CDHR1: variants seen among roughly 807,000 people sequenced by gnomAD.
CDHR1 encodes the protein cadherin related family member 1.
In CDHR1, 61 loss-of-function variants were observed where a neutral mutation model predicts 72.1. The ratio of observed to expected loss-of-function variants is 0.85; its 90% confidence interval spans 0.69 to 1.05. The LOEUF (loss-of-function observed/expected upper bound fraction) is 1.05. CDHR1 is among the 50% of genes least tolerant of loss of function. The probability of loss-of-function intolerance (pLI) is 0.00; values close to 1 mark genes in which losing one functional copy is unlikely to be tolerated. For synonymous variants in CDHR1, 470 were observed against 448.1 expected (o/e 1.05, Z -0.62); for missense variants, 1,186 against 1,115.7 (o/e 1.06, Z -0.90).
At chr10:84,211,400 A>T (rs1330650841) in intron 13 of CDHR1, among the ~76,000 whole-genome samples, 1 of 152,218 alleles carries the variant, frequency 6.6e-6, no homozygotes, top group Non-Finnish European at 1.5e-5. Context: ...CATGGGACCC[A>T]TCCCCTCTTC....
Position 84,214,780 on chromosome 10 carries a change from GCAA to G in CDHR1, c.*163_*165del, listed in dbSNP as rs1842401100. 5 of 1,553,732 alleles carry G rather than the reference GCAA, an allele frequency of 3.2e-6. No homozygotes were observed. Among genetic ancestry groups the G allele is most frequent in the Admixed American group, 1.9e-5 (1 of 53,282 alleles). The stretch of plus-strand genomic sequence containing the variant: ...CTCATCTCTACCGCCACCTTCTGGC[GCAA>G]CAAGAAGTTGCGCTCTGACAGGGCT... On this transcript the variant is annotated 3_prime_UTR_variant, in exon 17 of 17. Coordinates refer to ENST00000623527, the MANE Select transcript of CDHR1 (RefSeq NM_033100.4).
chr10:84,199,380 C>T (rs1400344855), intron 5 of CDHR1, among the ~76,000 whole-genome samples: 1 of 152,236 alleles, frequency 6.6e-6, no homozygotes, highest in Non-Finnish European at 1.5e-5. Context: ...CTGTCTCCAA[C>T]TTGAGACATT....
chr10:84,217,279 A>T lies in CDHR1; in HGVS notation c.*2658A>T, dbSNP rs748442031. 4.1e-6 allele frequency: 4 copies of T among 985,412 alleles called. No individual in the cohort carries two copies. The African/African-American group carries it at 7.0e-5, about 17-fold the overall frequency. 61.0% of individuals were successfully genotyped at this position (985,412 alleles called of 1,614,324 possible). ...GCCTCCAGGGAAAGAGCTGGGAGGC[A>T]GGAATGGCACACTGGGCAGGCTTGC... On this transcript the variant is annotated 3_prime_UTR_variant, in exon 17 of 17. Transcript: ENST00000623527.
downstream of CDHR1, chr10:84,219,315 T>TC: frequency 6.5e-7 from 1 of 1,543,778 alleles, no homozygotes. Flanking sequence ...TAGACCATTT[T>TC]CCCTCTCCCT....
intron 2 of CDHR1, 26 bp downstream of exon 2, chr10:84,195,615 G>T (rs369474184): frequency 2.5e-6 from 4 of 1,587,138 alleles, no homozygotes; most frequent in Non-Finnish European, 3.5e-6. Flanking sequence ...ACCTGCTCCC[G>T]ATAGGTCTCC....
intron 4 of CDHR1, 63 bp downstream of exon 4, chr10:84,197,899 C>A: frequency 6.8e-7 from 1 of 1,477,992 alleles, no homozygotes; most frequent in Non-Finnish European, 9.5e-7. Flanking sequence ...AAGGGTGAGG[C>A]TGGCACGATT....
At chr10:84,202,583 A>G (rs914366513) in intron 7 of CDHR1, among the ~76,000 whole-genome samples, 6 of 152,086 alleles carry the variant, frequency 3.9e-5, no homozygotes, top group African/African-American at 1.4e-4. Context: ...GCACATCTCC[A>G]TTATGATGCT....
chr10:84,207,850 G>T (rs1589303103), intron 10 of CDHR1, among the ~76,000 whole-genome samples: 1 of 152,172 alleles, frequency 6.6e-6, no homozygotes, highest in East Asian at 1.9e-4. Flanking sequence ...GCAAGACTCA[G>T]TTCTCTGTGA....
At position 84,210,985 on chromosome 10, in the gene CDHR1, T is replaced by A. The variant is rs1216591535; in HGVS notation, c.1321-16T>A. The A allele has an allele frequency of 1.9e-6, 3 of 1,614,010 alleles. No homozygotes were observed. The East Asian group carries it at 6.7e-5, about 36-fold the overall frequency. On this transcript the variant is annotated splice_polypyrimidine_tract_variant and intron_variant, in intron 12 of 16. Coordinates refer to ENST00000623527, the MANE Select transcript of CDHR1 (RefSeq NM_033100.4). ...AGTGCCTACCCAGACAAGTCCCCAT[T>A]TTCCCCCCTTCCCAGCTCCTGGCTG...
At chr10:84,212,635 G>A (rs773885614) in intron 15 of CDHR1, among the ~76,000 whole-genome samples, 9 of 152,226 alleles carry the variant, frequency 5.9e-5, no homozygotes, top group Non-Finnish European at 1.2e-4. Flanking sequence ...GGTGGGTTAA[G>A]TGTTTGGCTT....
chr10:84,198,308 T>G (rs1057135801), intron 4 of CDHR1, among the ~76,000 whole-genome samples: 6 of 152,252 alleles, frequency 3.9e-5, no homozygotes, highest in African/African-American at 1.2e-4. Context: ...CTGCCCACTC[T>G]GAGGCTGGGA....
intron 6 of CDHR1, among the ~76,000 whole-genome samples, chr10:84,201,537 C>T (rs1193797246): frequency 6.6e-6 from 1 of 152,178 alleles, no homozygotes; most frequent in African/African-American, 2.4e-5. Flanking sequence ...CAAAGCTGAG[C>T]CCAAGAAAAT....
In CDHR1 at chr10:84,214,757, C is replaced by A; in HGVS notation, c.*136C>A. 6.4e-7 allele frequency: 1 copy of A among 1,565,610 alleles called. No homozygotes were observed. Among genetic ancestry groups the A allele is most frequent in the South Asian group, 1.2e-5 (1 of 86,132 alleles). The stretch of plus-strand genomic sequence containing the variant: ...ACAATGGTATAATCCCCACTGTCCT[C>A]ATCTCTACCGCCACCTTCTGGCGCA... On this transcript the variant is annotated 3_prime_UTR_variant, in exon 17 of 17. Coordinates refer to ENST00000623527, the MANE Select transcript of CDHR1 (RefSeq NM_033100.4).
At chr10:84,202,848 A>G in intron 7 of CDHR1, 132 bp from the exon 8 acceptor site, 1 of 961,928 alleles carries the variant, frequency 1.0e-6, no homozygotes, top group Non-Finnish European at 1.6e-6. Context: ...GGTGACACAG[A>G]AGCAAACAGA....
At chr10:84,210,865 A>G (rs1842316497) in intron 12 of CDHR1, 136 bp from the exon 13 acceptor site, 1 of 932,406 alleles carries the variant, frequency 1.1e-6, no homozygotes, top group East Asian at 2.4e-5. Flanking sequence ...TTACAGGAAT[A>G]GCTGGTTGGC....
chr10:84,196,720 C>A, intron 3 of CDHR1, 70 bp downstream of exon 3: 2 of 1,574,038 alleles, frequency 1.3e-6, no homozygotes, highest in Non-Finnish European at 1.7e-6. Context: ...TGAAGTTCCC[C>A]TGGAGCACAT....
chr10:84,205,951 T>A (rs763292002), intron 10 of CDHR1, 24 bp downstream of exon 10: 4 of 1,567,442 alleles, frequency 2.6e-6, no homozygotes, highest in Non-Finnish European at 3.5e-6. Flanking sequence ...AGCTTTGTCT[T>A]CCCTGCCCAC....
intron 12 of CDHR1, among the ~76,000 whole-genome samples, chr10:84,210,037 C>G (rs984538576): frequency 2.0e-5 from 3 of 152,056 alleles, no homozygotes; most frequent in African/African-American, 4.8e-5. Flanking sequence ...CTGGGCAACA[C>G]GGCAAAAGCC....
intron 9 of CDHR1, 52 bp downstream of exon 9, chr10:84,204,657 A>T (rs1460596587): frequency 1.6e-6 from 2 of 1,271,722 alleles, no homozygotes; most frequent in East Asian, 4.6e-5. Flanking sequence ...AGGTGACCAG[A>T]GCAAGGTTCC....
Sources: allele counts gnomAD v4.1 joint callset (sites outside exome capture counted in the v4.1 genomes callset), GRCh38; gene constraint gnomAD v4.1.1; transcripts MANE v1.5; gene names NCBI Gene and HGNC (gene_info 2026-07-23, HGNC 2026-07-21).